FBXO36: variants seen among roughly 807,000 people sequenced by gnomAD.
FBXO36 encodes the protein F-box only protein 36.
Under a neutral mutation model 17.0 loss-of-function variants are expected in FBXO36, and 18 were observed. That is an observed-to-expected ratio of 1.06 (90% CI 0.73 to 1.57). The LOEUF is 1.57. Ranked by LOEUF, FBXO36 falls within the 40% of genes most tolerant of loss-of-function variation. The pLI, the probability that FBXO36 is intolerant of heterozygous loss-of-function variation, is 0.00. For missense variants in FBXO36, 229 were observed against 221.9 expected, an observed-to-expected ratio of 1.03 and a Z score of -0.20; for synonymous variants, 83 against 85.3, an observed-to-expected ratio of 0.97 and a Z score of 0.15.
At chr2:229,966,813 G>A (rs1287456886) in intron 1 of FBXO36, among the ~76,000 whole-genome samples, 8 of 152,150 alleles carry the variant, frequency 5.3e-5, no homozygotes, top group Non-Finnish European at 8.8e-5. Context: ...GTCAGGTAGC[G>A]TGATGCCTCC....
chr2:229,995,434 T>C (rs1052124955), intron 2 of FBXO36, among the ~76,000 whole-genome samples: 1 of 152,084 alleles, frequency 6.6e-6, no homozygotes, highest in Admixed American at 6.6e-5. Context: ...AAAGTTAAAA[T>C]ACTATGAAGC....
chr2:229,995,428 T>G (rs1305001549), intron 2 of FBXO36, among the ~76,000 whole-genome samples: 1 of 152,108 alleles, frequency 6.6e-6, no homozygotes, highest in Non-Finnish European at 1.5e-5. Flanking sequence ...TAGGCAAAAG[T>G]TAAAATACTA....
intron 1 of FBXO36, among the ~76,000 whole-genome samples, chr2:229,943,473 G>A (rs1174904720): frequency 1.3e-5 from 2 of 152,078 alleles, no homozygotes; most frequent in Non-Finnish European, 2.9e-5. Flanking sequence ...GTGAAGCTGA[G>A]TCTTTCCACT....
At chr2:229,950,279 A>G (rs1461959958) in intron 1 of FBXO36, among the ~76,000 whole-genome samples, 1 of 152,084 alleles carries the variant, frequency 6.6e-6, no homozygotes. Flanking sequence ...TACAAAAATT[A>G]GCTGGGCATG....
intron 1 of FBXO36, among the ~76,000 whole-genome samples, chr2:229,969,756 T>G (rs2077172201): frequency 6.6e-6 from 1 of 152,172 alleles, no homozygotes; most frequent in Non-Finnish European, 1.5e-5. Flanking sequence ...TTTTGCTCTG[T>G]GAAGACCCTG....
rs1052467515 is a variant in FBXO36 at position 229,957,449 on chromosome 2, C to T, written c.97-18792C>T. On this transcript the variant is annotated intron_variant, in intron 1 of 3. Coordinates refer to ENST00000283946, the MANE Select transcript of FBXO36 (RefSeq NM_174899.5). ...AAAATTAGCTTGGCGTGGTGGCGGG[C>T]GCCTGTAATCCCAGCTACTCAGGAA... Among the ~76,000 whole-genome samples, 4 of 152,026 alleles carry T rather than the reference C, an allele frequency of 2.6e-5. No homozygotes were observed. In the South Asian group the frequency reaches 6.2e-4, roughly 24 times the overall value.
intron 2 of FBXO36, 153 bp downstream of exon 2, chr2:229,976,502 CTGT>C (rs2077209169): frequency 8.3e-6 from 5 of 605,268 alleles, no homozygotes; most frequent in African/African-American, 1.9e-5. Flanking sequence ...AACTAGAAAA[CTGT>C]TGTTTTTTTC....
At chr2:229,967,997 C>G (rs986958428) in intron 1 of FBXO36, among the ~76,000 whole-genome samples, 1 of 152,080 alleles carries the variant, frequency 6.6e-6, no homozygotes, top group African/African-American at 2.4e-5. Context: ...GCTGTGAATC[C>G]GTCTGGTCCT....
rs1012994043 is a variant in FBXO36 at position 230,012,965 on chromosome 2, A to G, written c.*2081A>G. 1.3e-5 allele frequency: 2 copies of G among 151,112 alleles called. No homozygotes were observed. The highest frequency in any genetic ancestry group is 3.8e-4 in the East Asian group (2 of 5,196). 9.4% of individuals were successfully genotyped at this position (151,112 alleles called of 1,614,324 possible). A position where few individuals can be genotyped will look rare whatever the true frequency, so the allele number is the denominator to read the frequency against. ...CATATATATTATACTTACGATATAT[A>G]CTTATATGTAGTATATAATAATATT... On this transcript the variant is annotated 3_prime_UTR_variant, in exon 4 of 4. Coordinates refer to ENST00000283946, the MANE Select transcript of FBXO36 (RefSeq NM_174899.5).
At chr2:230,000,996 C>T (rs1233948797) in intron 3 of FBXO36, among the ~76,000 whole-genome samples, 1 of 151,066 alleles carries the variant, frequency 6.6e-6, no homozygotes, top group East Asian at 2.0e-4. Flanking sequence ...CTGGGTGGGA[C>T]TACAGGTGCT....
chr2:229,941,983 T>A (rs966944816), intron 1 of FBXO36, among the ~76,000 whole-genome samples: 1 of 151,874 alleles, frequency 6.6e-6, no homozygotes, highest in Non-Finnish European at 1.5e-5. Context: ...GCCACTGCAC[T>A]CCAGCCTGGG....
At chr2:229,977,670 G>A (rs1411119066) in intron 2 of FBXO36, among the ~76,000 whole-genome samples, 3 of 151,774 alleles carry the variant, frequency 2.0e-5, no homozygotes, top group South Asian at 4.2e-4. Context: ...GGCTGGTCTC[G>A]AACTCCTGAC....
chr2:229,999,530 TAC>T (rs1240226409), intron 3 of FBXO36, among the ~76,000 whole-genome samples: 1 of 149,082 alleles, frequency 6.7e-6, no homozygotes, highest in African/African-American at 2.5e-5. Flanking sequence ...TGTGTATATA[TAC>T]ACACACACAC....
Position 229,950,445 on chromosome 2 carries a change from A to AATAT in FBXO36, c.97-25795_97-25794insTATA, listed in dbSNP as rs572539219. 6.2e-3 allele frequency among the ~76,000 whole-genome samples: 950 copies of AATAT among 152,266 alleles called. 9 individuals carry two copies. The highest frequency in any genetic ancestry group is 8.9e-3 in the Non-Finnish European group (605 of 68,016). On this transcript the variant is annotated intron_variant, in intron 1 of 3. Coordinates refer to ENST00000283946, the MANE Select transcript of FBXO36 (RefSeq NM_174899.5). ...CATCTCAAAAATAAATAAATAAATA[A>AATAT]AATCACAGCCCAAAGGGAAAAGAGA...
rs542169841 is a variant in FBXO36, at chr2:230,010,944, A to C, written c.*60A>C. The C allele has an allele frequency of 1.3e-3, 1,919 of 1,477,110 alleles. 2 individuals carry two copies. Among genetic ancestry groups the C allele is most frequent in the Non-Finnish European group, 1.7e-3 (1,830 of 1,097,724 alleles). The allele number at this position is 1,477,110 out of a possible 1,614,324, so 91.5% of individuals were successfully genotyped here. On this transcript the variant is annotated 3_prime_UTR_variant, in exon 4 of 4. Coordinates refer to ENST00000283946, the MANE Select transcript of FBXO36 (RefSeq NM_174899.5). ...TGGCTGTGTTTCTCTTCAGTGTCCAAATCTCTTCTGTCTCCTTTTCTTAAG... is the reference window on the plus strand; with the variant it reads ...TGGCTGTGTTTCTCTTCAGTGTCCACATCTCTTCTGTCTCCTTTTCTTAAG...
intron 1 of FBXO36, among the ~76,000 whole-genome samples, chr2:229,969,619 C>T (rs1241151213): frequency 2.0e-5 from 3 of 152,024 alleles, no homozygotes; most frequent in African/African-American, 7.3e-5. Flanking sequence ...ACCCAGGAGG[C>T]GGAGGTTGCA....
chr2:229,984,496 C>T (rs2077257739), intron 2 of FBXO36, among the ~76,000 whole-genome samples: 1 of 148,294 alleles, frequency 6.7e-6, no homozygotes, highest in African/African-American at 2.5e-5. Context: ...TCACGTCATT[C>T]TCCTGCCTCA....
intron 3 of FBXO36, among the ~76,000 whole-genome samples, chr2:230,004,480 C>A (rs1413734171): frequency 6.6e-6 from 1 of 152,102 alleles, no homozygotes; most frequent in African/African-American, 2.4e-5. Flanking sequence ...AGTTATTGCC[C>A]CTCCCAGTCC....
chr2:229,988,330 AC>A (rs1266493865), intron 2 of FBXO36, among the ~76,000 whole-genome samples: 1 of 152,156 alleles, frequency 6.6e-6, no homozygotes, highest in African/African-American at 2.4e-5. Flanking sequence ...GGATGTAAAC[AC>A]TTTTGCTTTT....
Sources: gnomAD v4.1 joint callset for allele counts (sites outside exome capture counted in the v4.1 genomes callset) on GRCh38, gnomAD v4.1.1 for gene constraint, MANE v1.5 for transcripts, NCBI Gene and HGNC (gene_info 2026-07-23, HGNC 2026-07-21) for gene names.